The following TNRC6B variants were observed in gnomAD, a reference collection of about 807,000 sequenced individuals.
TNRC6B encodes the protein trinucleotide repeat containing adaptor 6B.
A neutral mutation model predicts 203.6 loss-of-function variants in TNRC6B; 52 were observed. The ratio of observed to expected loss-of-function variants is 0.26; its 90% confidence interval spans 0.20 to 0.32. The LOEUF is 0.32. Ranked by LOEUF, TNRC6B falls within the 10% of genes least tolerant of loss-of-function variation. The pLI is 1.00. For synonymous variants in TNRC6B, 838 were observed against 845.7 expected (o/e 0.99, Z 0.16); for missense variants, 1,923 against 2,286.2 (o/e 0.84, Z 3.24).
chr22:40,095,159 A>G (rs2068177996), intron 1 of TNRC6B, among the ~76,000 whole-genome samples: 1 of 152,226 alleles, frequency 6.6e-6, no homozygotes, highest in African/African-American at 2.4e-5. Flanking sequence ...CAGCAGCCTC[A>G]TAACTCTTTT....
intron 3 of TNRC6B, chr22:40,253,560 T>C (rs1209470959): frequency 2.2e-6 from 1 of 455,518 alleles, no homozygotes; most frequent in Non-Finnish European, 4.4e-6. Flanking sequence ...TGAAATACAG[T>C]TTCACAGTCT....
chr22:40,178,236 G>A, intron 1 of TNRC6B, 96 bp downstream of exon 1: 1 of 1,397,868 alleles, frequency 7.2e-7, no homozygotes, highest in Admixed American at 1.8e-5. Flanking sequence ...CATTTGTCTA[G>A]CATGGAGACT....
rs758607021 is a variant in TNRC6B at position 40,323,343 on chromosome 22, TA to T, written c.*106del. ...TTTCAACTTGCAATAAATACATTTTTAAAAGGAAAAAAGAAAACGGAGAGAA... is the reference window on the plus strand; with the variant it reads ...TTTCAACTTGCAATAAATACATTTTTAAAGGAAAAAAGAAAACGGAGAGAA... On this transcript the variant is annotated 3_prime_UTR_variant, in exon 23 of 23. Coordinates refer to ENST00000454349, the MANE Select transcript of TNRC6B (RefSeq NM_001162501.2). 435 of 1,408,048 alleles carry T rather than the reference TA, an allele frequency of 3.1e-4. 1 individual carries two copies. Among genetic ancestry groups the T allele is most frequent in the Non-Finnish European group, 3.3e-4 (345 of 1,057,340 alleles). The allele number at this position is 1,408,048 out of a possible 1,614,324, so 87.2% of individuals were successfully genotyped here.
At chr22:40,130,535 A>G (rs111652269) in intron 3 of TNRC6B, among the ~76,000 whole-genome samples, 7,365 of 151,778 alleles carry the variant, frequency 0.049, 605 homozygotes, top group African/African-American at 0.17. Flanking sequence ...TAATCCCAGC[A>G]CTTTGGGAGG....
chr22:40,078,145 G>A (rs2068034649), intron 1 of TNRC6B, among the ~76,000 whole-genome samples: 2 of 152,214 alleles, frequency 1.3e-5, no homozygotes, highest in South Asian at 4.1e-4. Flanking sequence ...TTTAGATACA[G>A]TAGTGGAAAC....
intron 3 of TNRC6B, among the ~76,000 whole-genome samples, chr22:40,253,145 G>C (rs1283382949): frequency 5.4e-5 from 8 of 148,154 alleles, no homozygotes; most frequent in Admixed American, 6.8e-5. Context: ...TCACCCAGGC[G>C]ATCTCGGCTC....
chr22:40,183,820 G>A (rs906765796), intron 1 of TNRC6B, among the ~76,000 whole-genome samples: 7 of 151,994 alleles, frequency 4.6e-5, no homozygotes, highest in Admixed American at 1.3e-4. Flanking sequence ...TCAGCCTCCC[G>A]AGTAGCTGGG....
chr22:40,240,374 G>C (rs2070012094), intron 1 of TNRC6B, among the ~76,000 whole-genome samples: 1 of 152,134 alleles, frequency 6.6e-6, no homozygotes, highest in Non-Finnish European at 1.5e-5. Context: ...TAAACCCCCA[G>C]CTCCCCTAGA....
At chr22:40,118,249 G>A (rs1259397704) in intron 2 of TNRC6B, among the ~76,000 whole-genome samples, 1 of 152,134 alleles carries the variant, frequency 6.6e-6, no homozygotes, top group Non-Finnish European at 1.5e-5. Context: ...TCAAAATACT[G>A]TGTGGCCTAT....
At chr22:40,297,817 A>G (rs565719588) in intron 12 of TNRC6B, among the ~76,000 whole-genome samples, 67 of 151,090 alleles carry the variant, frequency 4.4e-4, no homozygotes, top group African/African-American at 1.3e-3. Flanking sequence ...GTGAAACTCT[A>G]TCTAAAAATA....
At chr22:40,058,960 G>A (rs1009073749) in intron 1 of TNRC6B, among the ~76,000 whole-genome samples, 1 of 151,996 alleles carries the variant, frequency 6.6e-6, no homozygotes, top group Non-Finnish European at 1.5e-5. Flanking sequence ...CATTTCCTAC[G>A]TACTATTTTC....
At chr22:40,086,540 A>G (rs1416022661) in intron 1 of TNRC6B, among the ~76,000 whole-genome samples, 1 of 152,062 alleles carries the variant, frequency 6.6e-6, no homozygotes, top group Non-Finnish European at 1.5e-5. Flanking sequence ...CTCAGCCCTC[A>G]GTCATTTCTT....
At chr22:40,262,509 T>C (rs1310737955) in intron 4 of TNRC6B, among the ~76,000 whole-genome samples, 2 of 148,674 alleles carry the variant, frequency 1.3e-5, no homozygotes, top group Admixed American at 6.7e-5. Flanking sequence ...GACATGGGGC[T>C]TGTGCGAAGG....
intron 1 of TNRC6B, among the ~76,000 whole-genome samples, chr22:40,181,862 T>C (rs2069134139): frequency 6.6e-6 from 1 of 151,874 alleles, no homozygotes; most frequent in East Asian, 1.9e-4. Context: ...GAAAGGATAG[T>C]TTGAGCCAGT....
intron 3 of TNRC6B, among the ~76,000 whole-genome samples, chr22:40,258,101 T>TTTTTTTTTA (rs869114055): frequency 3.2e-4 from 35 of 108,420 alleles, no homozygotes; most frequent in African/African-American, 1.6e-3. Flanking sequence ...TTTTTTTTTT[T>TTTTTTTTTA]ACCCCACAAT....
chr22:40,196,878 T>C (rs1429973552), intron 1 of TNRC6B, among the ~76,000 whole-genome samples: 1 of 152,148 alleles, frequency 6.6e-6, no homozygotes, highest in Non-Finnish European at 1.5e-5. Flanking sequence ...CCTATTATGC[T>C]GCACACACTT....
chr22:40,239,376 C>T (rs963230948), intron 1 of TNRC6B, among the ~76,000 whole-genome samples: 18 of 152,176 alleles, frequency 1.2e-4, no homozygotes, highest in African/African-American at 4.3e-4. Context: ...TTCAGGTGCT[C>T]TGATGCTGCC....
At position 40,311,109 on chromosome 22, in the gene TNRC6B, T is replaced by C; in HGVS notation, c.4435+116T>C. ...TACTAAGGTACTTGCTTTTATTTTT[T>C]TCATTCAATAATTGTCTGTTAGAAG... On this transcript the variant is annotated intron_variant, in intron 17 of 22. Transcript: ENST00000454349. 10 of 1,198,140 alleles carry C rather than the reference T, an allele frequency of 8.3e-6. No individual in the cohort carries two copies. In the South Asian group the frequency reaches 1.4e-4, roughly 17 times the overall value. 74.2% of individuals were successfully genotyped at this position (1,198,140 alleles called of 1,614,324 possible).
chr22:40,099,745 T>C (rs998087660), intron 1 of TNRC6B, among the ~76,000 whole-genome samples: 22 of 152,168 alleles, frequency 1.4e-4, no homozygotes, highest in African/African-American at 5.3e-4. Context: ...TACTTCTCCA[T>C]TTTATTTTAT....
Sources: allele counts gnomAD v4.1 joint callset (sites outside exome capture counted in the v4.1 genomes callset), GRCh38; gene constraint gnomAD v4.1.1; transcripts MANE v1.5; gene names NCBI Gene and HGNC (gene_info 2026-07-23, HGNC 2026-07-21).